The following CACNA1D variants were observed in gnomAD, a reference collection of about 807,000 sequenced individuals.
The protein encoded by CACNA1D is calcium voltage-gated channel subunit alpha1 D.
A neutral mutation model predicts 257.1 loss-of-function variants in CACNA1D; 55 were observed. The observed-to-expected ratio is 0.21, with a 90% CI of 0.17 to 0.27. The LOEUF is 0.27. Among genes scored for constraint, CACNA1D ranks in the 10% least tolerant of loss-of-function variants. The probability of loss-of-function intolerance (pLI) is 1.00; values close to 1 mark genes in which losing one functional copy is unlikely to be tolerated. For synonymous variants in CACNA1D, 980 were observed against 1,014.9 expected, an observed-to-expected ratio of 0.97 and a Z score of 0.65; for missense variants, 1,876 against 2,784.0, an observed-to-expected ratio of 0.67 and a Z score of 7.34.
At chr3:53,790,231 T>C (rs1286803757) in intron 40 of CACNA1D, among the ~76,000 whole-genome samples, 1 of 152,214 alleles carries the variant, frequency 6.6e-6, no homozygotes, top group South Asian at 2.1e-4. Context: ...AACACAGCCA[T>C]GCAGCCATGA....
intron 3 of CACNA1D, among the ~76,000 whole-genome samples, chr3:53,516,895 G>T (rs1462610099): frequency 6.6e-6 from 1 of 152,202 alleles, no homozygotes; most frequent in Non-Finnish European, 1.5e-5. Flanking sequence ...GACAAATGAG[G>T]TCTGTGGTCA....
intron 3 of CACNA1D, among the ~76,000 whole-genome samples, chr3:53,547,835 G>C (rs527363679): frequency 7.2e-5 from 11 of 152,226 alleles, no homozygotes; most frequent in Non-Finnish European, 1.3e-4. Context: ...AACTGGGAAT[G>C]ACAAGGCTAT....
chr3:53,755,153 G>GACTTAC (rs2095255217), intron 29 of CACNA1D, among the ~76,000 whole-genome samples: 1 of 152,118 alleles, frequency 6.6e-6, no homozygotes, highest in African/African-American at 2.4e-5. Flanking sequence ...GATGGAAAAG[G>GACTTAC]TTGCAAAGTA....
intron 4 of CACNA1D, 41 bp downstream of exon 4, chr3:53,650,959 T>TAATCA (rs747219405): frequency 6.6e-7 from 1 of 1,513,062 alleles, no homozygotes; most frequent in East Asian, 2.3e-5. Flanking sequence ...ATTTGGAAAA[T>TAATCA]GGGAGGTGGA....
At chr3:53,627,778 C>T (rs1479880323) in intron 3 of CACNA1D, among the ~76,000 whole-genome samples, 4 of 151,884 alleles carry the variant, frequency 2.6e-5, no homozygotes, top group South Asian at 2.1e-4. Context: ...TTTGGGAGGC[C>T]GAGGTGGGCA....
At chr3:53,779,994 T>C (rs775585639) in intron 37 of CACNA1D, 32 bp from the exon 38 acceptor site, 1 of 1,449,364 alleles carries the variant, frequency 6.9e-7, no homozygotes, top group Non-Finnish European at 9.7e-7. Context: ...CTCATTTGCA[T>C]TCTACAAAGA....
chr3:53,496,772 T>C (rs1349910238), intron 1 of CACNA1D, among the ~76,000 whole-genome samples: 1 of 152,188 alleles, frequency 6.6e-6, no homozygotes, highest in African/African-American at 2.4e-5. Context: ...AGCTGTTGTA[T>C]GTATCTGTTA....
rs576737293 is a variant in CACNA1D at position 53,776,293 on chromosome 3, G to A, written c.4362+248G>A. On this transcript the variant is annotated intron_variant, in intron 35 of 47. Coordinates refer to ENST00000350061, the MANE Select transcript of CACNA1D (RefSeq NM_001128840.3). Reference sequence around the variant, plus strand: ...TTACCAATCACCTTAGCTTCTTAGGGTTCCTTTCTAAAATTTCAAAGCCAG... The same window carrying A: ...TTACCAATCACCTTAGCTTCTTAGGATTCCTTTCTAAAATTTCAAAGCCAG... Among the ~76,000 whole-genome samples, 6 of 152,260 alleles carry A rather than the reference G, an allele frequency of 3.9e-5. 1 individual carries two copies. The highest frequency in any genetic ancestry group is 6.8e-3 in the Middle Eastern group (2 of 294).
At chr3:53,558,685 TTCC>T (rs1457222728) in intron 3 of CACNA1D, among the ~76,000 whole-genome samples, 1 of 152,228 alleles carries the variant, frequency 6.6e-6, no homozygotes, top group Non-Finnish European at 1.5e-5. Context: ...ATCAGAATTG[TTCC>T]TCTTCTTTCT....
At chr3:53,725,803 A>C (rs2094929602) in intron 14 of CACNA1D, among the ~76,000 whole-genome samples, 1 of 152,160 alleles carries the variant, frequency 6.6e-6, no homozygotes, top group African/African-American at 2.4e-5. Flanking sequence ...TAACAGTTTA[A>C]ATTTTAAAAA....
At chr3:53,778,030 G>A (rs1180825055) in intron 37 of CACNA1D, among the ~76,000 whole-genome samples, 1 of 152,174 alleles carries the variant, frequency 6.6e-6, no homozygotes, top group East Asian at 1.9e-4. Context: ...GCTCTAGACA[G>A]AAACCAAGGT....
intron 3 of CACNA1D, among the ~76,000 whole-genome samples, chr3:53,610,102 T>C (rs937861725): frequency 6.6e-6 from 1 of 152,236 alleles, no homozygotes; most frequent in Non-Finnish European, 1.5e-5. Context: ...GAATGTTCTT[T>C]GTATTCTTTT....
At chr3:53,581,250 T>C (rs1177245508) in intron 3 of CACNA1D, among the ~76,000 whole-genome samples, 4 of 152,218 alleles carry the variant, frequency 2.6e-5, no homozygotes, top group Admixed American at 2.6e-4. Flanking sequence ...ACCTTCTCCC[T>C]AGTCCACCCT....
intron 7 of CACNA1D, among the ~76,000 whole-genome samples, chr3:53,671,442 C>T (rs985376756): frequency 2.0e-5 from 3 of 152,224 alleles, no homozygotes; most frequent in African/African-American, 7.2e-5. Flanking sequence ...AGGCACAGGC[C>T]ACCACACCAG....
chr3:53,675,006 T>G (rs561747026), intron 8 of CACNA1D, among the ~76,000 whole-genome samples: 1 of 152,348 alleles, frequency 6.6e-6, no homozygotes, highest in South Asian at 2.1e-4. Flanking sequence ...AACACTGCCT[T>G]TTCCAGAGCA....
At chr3:53,761,929 C>G in intron 29 of CACNA1D, 69 bp from the exon 30 acceptor site, 1 of 1,107,974 alleles carries the variant, frequency 9.0e-7, no homozygotes, top group East Asian at 2.4e-5. Flanking sequence ...CGGATTCGCC[C>G]CTATACGGTC....
intron 35 of CACNA1D, 62 bp from the exon 36 acceptor site, chr3:53,776,541 T>C (rs2095398394): frequency 1.9e-6 from 3 of 1,602,834 alleles, no homozygotes. Context: ...AGAAAGCCTG[T>C]GCTCAGTTCT....
Position 53,774,757 on chromosome 3 carries a change from G to T in CACNA1D, c.4202+79G>T. 1 of 823,654 alleles carries T rather than the reference G, an allele frequency of 1.2e-6. No homozygotes were observed. The highest frequency in any genetic ancestry group is 2.1e-6 in the Non-Finnish European group (1 of 465,538). The allele number at this position is 823,654 out of a possible 1,614,324, so 51.0% of individuals were successfully genotyped here. On this transcript the variant is annotated intron_variant, in intron 34 of 47. Transcript: ENST00000350061. This position sits in a 1 kb window ranked among gnomAD's most constrained non-coding sequence, Gnocchi z 4.3. The stretch of plus-strand genomic sequence containing the variant: ...GGGTCCAGAGGGACGGAGGACACAG[G>T]TTATTAAAGCAGTGTGCCTTTCTCA...
At chr3:53,540,079 CTT>C (rs1452731411) in intron 3 of CACNA1D, among the ~76,000 whole-genome samples, 11 of 136,174 alleles carry the variant, frequency 8.1e-5, no homozygotes, top group Admixed American at 7.3e-5. Flanking sequence ...TGAACACATT[CTT>C]TTTTTTTTTT....
Sources: gnomAD v4.1 joint callset for allele counts (sites outside exome capture counted in the v4.1 genomes callset) on GRCh38, gnomAD v4.1.1 for gene constraint, Gnocchi (gnomAD v3.1) non-coding constraint, MANE v1.5 for transcripts, NCBI Gene and HGNC (gene_info 2026-07-23, HGNC 2026-07-21) for gene names.